Variants in ANO4 observed in about 807,000 individuals in gnomAD.
ANO4 encodes the protein anoctamin 4, also known as anoctamin-4.
ANO4 carries 69 observed loss-of-function variants against 141.9 expected under a neutral mutation model. That is an observed-to-expected ratio of 0.49 (90% confidence interval 0.40 to 0.59). The LOEUF (loss-of-function observed/expected upper bound fraction) is 0.59, where lower values mean the gene tolerates loss of function less well. Ranked by LOEUF, ANO4 falls within the 20% of genes least tolerant of loss-of-function variation. ANO4 has a pLI of 0.00. For synonymous variants in ANO4, 350 were observed against 394.3 expected (o/e 0.89, Z 1.33); for missense variants, 894 against 1,162.2 (o/e 0.77, Z 3.36).
chr12:101,068,222 C>T (rs11110643), intron 14 of ANO4: 543,647 of 1,355,850 alleles, frequency 0.4, 110,451 homozygotes, highest in African/African-American at 0.54. Flanking sequence ...AAGAGTAGAA[C>T]GAGGCACCAG....
intron 1 of ANO4, among the ~76,000 whole-genome samples, chr12:100,884,016 G>A (rs2039697109): frequency 6.6e-6 from 1 of 152,166 alleles, no homozygotes; most frequent in Non-Finnish European, 1.5e-5. Context: ...GCTGAAATTA[G>A]TCAAGATCAG....
chr12:100,974,569 G>A (rs1216664354), intron 6 of ANO4, among the ~76,000 whole-genome samples: 8 of 151,864 alleles, frequency 5.3e-5, no homozygotes, highest in Non-Finnish European at 1.2e-4. Flanking sequence ...TTATCATACT[G>A]CACATGCTTT....
chr12:100,792,938 T>G (rs1349257139), upstream of ANO4, among the ~76,000 whole-genome samples: 1 of 152,248 alleles, frequency 6.6e-6, no homozygotes, highest in Non-Finnish European at 1.5e-5. Context: ...AGAAATTATT[T>G]GTGCATTTAT....
intron 1 of ANO4, among the ~76,000 whole-genome samples, chr12:100,879,524 T>G (rs1324002449): frequency 6.6e-6 from 1 of 152,204 alleles, no homozygotes; most frequent in Non-Finnish European, 1.5e-5. Context: ...CCTAGCCCAG[T>G]GCATTGTAAA....
intron 9 of ANO4, among the ~76,000 whole-genome samples, chr12:101,033,376 G>T (rs1275994677): frequency 1.3e-5 from 2 of 152,044 alleles, no homozygotes; most frequent in Admixed American, 6.6e-5. Flanking sequence ...TAGATGACGA[G>T]CTAGTGGGTG....
At chr12:101,093,633 A>C (rs2049864226) in intron 17 of ANO4, among the ~76,000 whole-genome samples, 2 of 152,254 alleles carry the variant, frequency 1.3e-5, no homozygotes, top group South Asian at 4.1e-4. Context: ...ACACACACGC[A>C]CACACAAACA....
intron 1 of ANO4, among the ~76,000 whole-genome samples, chr12:100,802,111 T>C (rs1223458439): frequency 6.6e-6 from 1 of 152,182 alleles, no homozygotes; most frequent in African/African-American, 2.4e-5. Flanking sequence ...GAAGGGAGTT[T>C]AGCATTGAGA....
chr12:100,862,347 G>A lies in ANO4; in HGVS notation c.-140-39299G>A, dbSNP rs182740966. Among the ~76,000 whole-genome samples, 464 of 152,224 alleles carry A rather than the reference G, an allele frequency of 3.0e-3. 5 individuals are homozygous for A. The highest frequency in any genetic ancestry group is 0.011 in the African/African-American group (446 of 41,558). Reference sequence around the variant, plus strand: ...ATCCTTATTATTATTATTTGAGACGGATTTTGCTTTGTTGCCCAGGCTGGA... The same window carrying A: ...ATCCTTATTATTATTATTTGAGACGAATTTTGCTTTGTTGCCCAGGCTGGA... On this transcript the variant is annotated intron_variant, in intron 1 of 27. Transcript: ENST00000392977.
At chr12:101,016,750 A>G (rs2136473614) in intron 8 of ANO4, among the ~76,000 whole-genome samples, 1 of 152,340 alleles carries the variant, frequency 6.6e-6, no homozygotes, top group East Asian at 1.9e-4. Flanking sequence ...TAGAAACTAC[A>G]GCAATGATGA....
intron 1 of ANO4, among the ~76,000 whole-genome samples, chr12:100,853,154 T>G (rs1172924812): frequency 6.6e-6 from 1 of 152,206 alleles, no homozygotes; most frequent in East Asian, 1.9e-4. Flanking sequence ...AATCTTTTTA[T>G]ATAAATATGA....
chr12:100,766,003 C>T (rs966066772), intron 3 of ANO4, among the ~76,000 whole-genome samples: 24 of 151,952 alleles, frequency 1.6e-4, no homozygotes, highest in Non-Finnish European at 3.5e-4. Context: ...AAATTTTGTA[C>T]CCTTTGACTA....
chr12:100,991,723 C>G (rs2045117497), intron 8 of ANO4, among the ~76,000 whole-genome samples: 1 of 152,032 alleles, frequency 6.6e-6, no homozygotes. Flanking sequence ...CTAGAGACTC[C>G]TTGAAAGACT....
chr12:100,840,880 G>A (rs766055990), intron 1 of ANO4, among the ~76,000 whole-genome samples: 47 of 152,228 alleles, frequency 3.1e-4, no homozygotes, highest in Non-Finnish European at 5.4e-4. Flanking sequence ...TCTTTGGCTA[G>A]CCTTCTCTAA....
intron 3 of ANO4, among the ~76,000 whole-genome samples, chr12:100,788,473 C>T (rs2033940674): frequency 6.6e-6 from 1 of 152,134 alleles, no homozygotes; most frequent in Non-Finnish European, 1.5e-5. Flanking sequence ...TTTCCTGTCA[C>T]TGGATAGCAT....
At chr12:100,737,756 A>G (rs772730350) in intron 2 of ANO4, among the ~76,000 whole-genome samples, 1 of 152,234 alleles carries the variant, frequency 6.6e-6, no homozygotes, top group African/African-American at 2.4e-5. Flanking sequence ...GGGAGGACAG[A>G]TCTATGGATC....
intron 2 of ANO4, among the ~76,000 whole-genome samples, chr12:100,915,798 A>G (rs2041311810): frequency 6.6e-6 from 1 of 152,172 alleles, no homozygotes. Flanking sequence ...GAGAAAGATA[A>G]GGCTTATTAT....
intron 14 of ANO4, among the ~76,000 whole-genome samples, chr12:101,078,837 A>T (rs543884272): frequency 2.6e-5 from 4 of 151,170 alleles, no homozygotes; most frequent in African/African-American, 7.3e-5. Context: ...AAAATAAAAT[A>T]AAAAAAAATA....
chr12:101,108,764 T>C (rs1303559905), intron 22 of ANO4, among the ~76,000 whole-genome samples: 1 of 152,162 alleles, frequency 6.6e-6, no homozygotes, highest in Non-Finnish European at 1.5e-5. Context: ...TTGTTTTGCA[T>C]CAGAAACCAC....
At chr12:101,062,524 G>A (rs1053492544) in intron 14 of ANO4, among the ~76,000 whole-genome samples, 1 of 152,342 alleles carries the variant, frequency 6.6e-6, no homozygotes, top group South Asian at 2.1e-4. Flanking sequence ...AGAGAGGTGG[G>A]AGTTTTATCT....
Sources: gnomAD v4.1 joint callset for allele counts (sites outside exome capture counted in the v4.1 genomes callset) on GRCh38, gnomAD v4.1.1 for gene constraint, MANE v1.5 for transcripts, NCBI Gene and HGNC (gene_info 2026-07-23, HGNC 2026-07-21) for gene names.